The following PAK5 variants were observed in gnomAD, a reference collection of about 807,000 sequenced individuals.
PAK5 encodes serine/threonine-protein kinase PAK 5.
In PAK5, 16 loss-of-function variants were observed where a neutral mutation model predicts 65.9. The ratio of observed to expected loss-of-function variants is 0.24; its 90% CI spans 0.16 to 0.37. The LOEUF is 0.37. Ranked by LOEUF, PAK5 falls within the 10% of genes least tolerant of loss-of-function variation. The probability of loss-of-function intolerance (pLI) is 1.00; values close to 1 mark genes in which losing one functional copy is unlikely to be tolerated. For missense variants in PAK5, 785 were observed against 903.9 expected, an observed-to-expected ratio of 0.87 and a Z score of 1.69; for synonymous variants, 371 against 354.9, an observed-to-expected ratio of 1.05 and a Z score of -0.51.
intron 2 of PAK5, among the ~76,000 whole-genome samples, chr20:9,665,118 C>A (rs2047399316): frequency 1.0e-5 from 1 of 99,730 alleles, no homozygotes; most frequent in South Asian, 4.2e-4. Flanking sequence ...TGAAGTTTCC[C>A]TGTGTTGCCT....
At chr20:9,567,778 T>C (rs889861541) in intron 4 of PAK5, among the ~76,000 whole-genome samples, 10 of 152,178 alleles carry the variant, frequency 6.6e-5, no homozygotes, top group Non-Finnish European at 5.9e-5. Flanking sequence ...AGAAAACCAG[T>C]AAATATACAG....
intron 2 of PAK5, among the ~76,000 whole-genome samples, chr20:9,664,494 A>C (rs143745161): frequency 4.4e-4 from 67 of 152,320 alleles, no homozygotes; most frequent in African/African-American, 1.5e-3. Flanking sequence ...ACAAACTGCA[A>C]TATTACAGCA....
intron 1 of PAK5, among the ~76,000 whole-genome samples, chr20:9,787,123 G>A (rs2049000673): frequency 6.6e-6 from 1 of 152,162 alleles, no homozygotes; most frequent in African/African-American, 2.4e-5. Flanking sequence ...CTAAAGCACA[G>A]TAAATTCACA....
At chr20:9,557,137 C>T (rs1376748170) in intron 7 of PAK5, among the ~76,000 whole-genome samples, 1 of 152,138 alleles carries the variant, frequency 6.6e-6, no homozygotes, top group East Asian at 1.9e-4. Context: ...ATACACTATT[C>T]CTTATGATTT....
intron 1 of PAK5, among the ~76,000 whole-genome samples, chr20:9,782,719 A>AAAACAGCT (rs565509413): frequency 1.9e-3 from 288 of 152,268 alleles, no homozygotes; most frequent in Non-Finnish European, 3.1e-3. Flanking sequence ...AATAGAAAAG[A>AAAACAGCT]AAACAGCTCC....
At chr20:9,755,348 T>A (rs1212786473) in intron 1 of PAK5, among the ~76,000 whole-genome samples, 1 of 152,204 alleles carries the variant, frequency 6.6e-6, no homozygotes, top group African/African-American at 2.4e-5. Context: ...TTTAAATTAT[T>A]AAATGCTTTC....
At chr20:9,649,273 C>T (rs931097674) in intron 2 of PAK5, among the ~76,000 whole-genome samples, 1 of 152,180 alleles carries the variant, frequency 6.6e-6, no homozygotes, top group Non-Finnish European at 1.5e-5. Context: ...CTTTGTGGGA[C>T]ATTTCAAGGT....
intron 1 of PAK5, among the ~76,000 whole-genome samples, chr20:9,819,287 A>G (rs1381110792): frequency 6.6e-6 from 1 of 152,206 alleles, no homozygotes; most frequent in African/African-American, 2.4e-5. Flanking sequence ...TTTCTTACCA[A>G]GGTTTCAAAA....
chr20:9,650,491 C>T (rs1030674431), intron 2 of PAK5, among the ~76,000 whole-genome samples: 19 of 152,150 alleles, frequency 1.2e-4, no homozygotes, highest in African/African-American at 3.6e-4. Context: ...TGTTTTCTTG[C>T]TAAACTTATT....
chr20:9,578,813 A>C (rs2045930475), intron 4 of PAK5, among the ~76,000 whole-genome samples: 1 of 152,188 alleles, frequency 6.6e-6, no homozygotes. Flanking sequence ...ACACAGGAAG[A>C]GAAAGCAGTC....
chr20:9,565,842 G>C, intron 5 of PAK5, 51 bp downstream of exon 5: 1 of 1,534,458 alleles, frequency 6.5e-7, no homozygotes, highest in Non-Finnish European at 8.8e-7. Flanking sequence ...TTTTGAAATG[G>C]GAAATAAATG....
intron 4 of PAK5, 80 bp downstream of exon 4, chr20:9,580,065 A>G (rs3746545): frequency 0.27 from 324,693 of 1,216,492 alleles, 44,949 homozygotes; most frequent in African/African-American, 0.41. Context: ...TTTACAATCC[A>G]ATCGTATAAA....
At chr20:9,661,070 T>A (rs2047339554) in intron 2 of PAK5, among the ~76,000 whole-genome samples, 1 of 152,122 alleles carries the variant, frequency 6.6e-6, no homozygotes, top group Non-Finnish European at 1.5e-5. Context: ...TGCACTCAAG[T>A]CTGAGCAGCT....
chr20:9,820,634 C>T (rs1822730544), intron 1 of PAK5, among the ~76,000 whole-genome samples: 1 of 152,204 alleles, frequency 6.6e-6, no homozygotes, highest in African/African-American at 2.4e-5. Flanking sequence ...CCTCTTCCTT[C>T]CTGCCTCTTC....
At chr20:9,761,247 A>G (rs1409257429) in intron 1 of PAK5, among the ~76,000 whole-genome samples, 1 of 152,204 alleles carries the variant, frequency 6.6e-6, no homozygotes, top group Non-Finnish European at 1.5e-5. Context: ...CCAAACACAC[A>G]GAAGGACATC....
At chr20:9,794,936 T>G (rs994504841) in intron 1 of PAK5, among the ~76,000 whole-genome samples, 5 of 152,036 alleles carry the variant, frequency 3.3e-5, no homozygotes, top group Admixed American at 6.6e-5. Context: ...TTTTTTTTTC[T>G]CATGAAGCTA....
chr20:9,647,002 G>GT (rs2047143242), intron 2 of PAK5, among the ~76,000 whole-genome samples: 3 of 151,178 alleles, frequency 2.0e-5, no homozygotes, highest in Non-Finnish European at 4.4e-5. Context: ...ACAAATAAAT[G>GT]TTTTTTTGCT....
intron 7 of PAK5, among the ~76,000 whole-genome samples, chr20:9,550,297 G>A (rs557473440): frequency 7.2e-5 from 11 of 152,322 alleles, no homozygotes; most frequent in African/African-American, 2.6e-4. Context: ...GTACAGCAGA[G>A]GTGAGCCCCT....
intron 2 of PAK5, among the ~76,000 whole-genome samples, chr20:9,703,168 A>G (rs1298724307): frequency 1.3e-5 from 2 of 152,218 alleles, no homozygotes; most frequent in Non-Finnish European, 2.9e-5. Context: ...ATCAGAACAT[A>G]CAGGATTTGA....
Sources: gnomAD v4.1 joint callset for allele counts (sites outside exome capture counted in the v4.1 genomes callset) on GRCh38, gnomAD v4.1.1 for gene constraint, MANE v1.5 for transcripts, NCBI Gene and HGNC (gene_info 2026-07-23, HGNC 2026-07-21) for gene names.